The following MLLT1 variants were observed in gnomAD, a reference collection of about 807,000 sequenced individuals.
MLLT1 encodes protein ENL.
In MLLT1, 11 loss-of-function variants were observed where a neutral mutation model predicts 55.1. The ratio of observed to expected loss-of-function variants is 0.20; its 90% CI spans 0.13 to 0.33. MLLT1 has a LOEUF of 0.33. Ranked by LOEUF, MLLT1 falls within the 10% of genes least tolerant of loss-of-function variation. The pLI, the probability that MLLT1 is intolerant of heterozygous loss-of-function variation, is 1.00. For synonymous variants in MLLT1, 323 were observed against 320.1 expected (o/e 1.01, Z -0.10); for missense variants, 536 against 760.6 (o/e 0.70, Z 3.47).
chr19:6,279,366 C>T (rs2144972866), intron 1 of MLLT1, among the ~76,000 whole-genome samples: 1 of 152,174 alleles, frequency 6.6e-6, no homozygotes, highest in African/African-American at 2.4e-5. Context: ...GCCCAGATCC[C>T]AGGAAGTGCC....
At chr19:6,225,577 C>T (rs1248592793) in intron 5 of MLLT1, among the ~76,000 whole-genome samples, 7 of 152,222 alleles carry the variant, frequency 4.6e-5, no homozygotes, top group Non-Finnish European at 1.0e-4. Context: ...GGACCCCATG[C>T]TGCCCGATGC....
Position 6,240,007 on chromosome 19 carries a change from T to C in MLLT1, c.277-9294A>G, listed in dbSNP as rs1043177171. Among the ~76,000 whole-genome samples, 12 of 152,172 alleles carry C rather than the reference T, an allele frequency of 7.9e-5. No homozygotes were observed. In the East Asian group the frequency reaches 2.3e-3, roughly 29 times the overall value. On this transcript the variant is annotated intron_variant, in intron 3 of 11. Transcript: ENST00000252674. This position sits in a 1 kb window ranked among gnomAD's most constrained non-coding sequence, Gnocchi z 4.7. Reference sequence around the variant, plus strand: ...CTCTGACCAGGAGTCAGAGGACTCCTGGATGCTGAAGCGGCTCAGCACTGG... The same window carrying C: ...CTCTGACCAGGAGTCAGAGGACTCCCGGATGCTGAAGCGGCTCAGCACTGG...
chr19:6,226,325 C>T lies in MLLT1; in HGVS notation c.546+652G>A, dbSNP rs1347643899. Among the ~76,000 whole-genome samples the T allele has an allele frequency of 5.3e-5, 8 of 152,204 alleles. No homozygotes were observed. The highest frequency in any genetic ancestry group is 1.2e-4 in the Non-Finnish European group (8 of 68,040). ...GGGGCGTGCTCAGGGGTTAAAGGGA[C>T]ACTGTGATGCCATCAAAGGGCTTTC... On this transcript the variant is annotated intron_variant, in intron 5 of 11. Coordinates refer to ENST00000252674, the MANE Select transcript of MLLT1 (RefSeq NM_005934.4). The surrounding 1 kb of genome is among the most constrained non-coding windows in gnomAD (Gnocchi z 6.3).
chr19:6,247,118 T>C (rs2091175630), intron 3 of MLLT1, among the ~76,000 whole-genome samples: 1 of 152,246 alleles, frequency 6.6e-6, no homozygotes, highest in South Asian at 2.1e-4. Context: ...TGGATGGAGT[T>C]GGCAGCCTCA....
At chr19:6,267,215 C>A (rs2091355879) in intron 2 of MLLT1, among the ~76,000 whole-genome samples, 2 of 152,172 alleles carry the variant, frequency 1.3e-5, no homozygotes, top group South Asian at 4.1e-4. Context: ...GATTCTCCTG[C>A]CTCAGCTTCC....
At chr19:6,213,495 A>T in intron 10 of MLLT1, 87 bp from the exon 11 acceptor site, 5 of 1,227,512 alleles carry the variant, frequency 4.1e-6, no homozygotes, top group Non-Finnish European at 6.0e-6. Flanking sequence ...GACCCAGTCC[A>T]TCCCAGCACA....
intron 3 of MLLT1, among the ~76,000 whole-genome samples, chr19:6,242,813 C>T (rs1291351833): frequency 1.3e-5 from 2 of 152,150 alleles, no homozygotes; most frequent in African/African-American, 4.8e-5. Context: ...ACTGCATCTA[C>T]AGGGCACCTG....
At position 6,212,816 on chromosome 19, in the gene MLLT1, C is replaced by CG. The variant is rs915254066; in HGVS notation, c.*225dup. The CG allele has an allele frequency of 1.7e-5, 15 of 894,136 alleles. No individual in the cohort carries two copies. The highest frequency in any genetic ancestry group is 2.1e-5 in the South Asian group (1 of 48,634). 55.4% of individuals were successfully genotyped at this position (894,136 alleles called of 1,614,324 possible). On this transcript the variant is annotated 3_prime_UTR_variant, in exon 12 of 12. Transcript: ENST00000252674. ...CTCTCTGAGGGGAGCCCAGAGAGCC[C>CG]GGGGGGCGGCTCCCGTGTGGCCCAG...
intron 3 of MLLT1, among the ~76,000 whole-genome samples, chr19:6,246,350 C>T (rs1390140160): frequency 6.6e-6 from 1 of 152,184 alleles, no homozygotes; most frequent in Admixed American, 6.5e-5. Flanking sequence ...TTAGGGCAGC[C>T]TTATTCATAA....
rs2090778168 is a variant in MLLT1 at position 6,212,030 on chromosome 19, A to G, written c.*1012T>C. The G allele has an allele frequency of 1.9e-6, 2 of 1,065,910 alleles. No homozygotes were observed. Among genetic ancestry groups the G allele is most frequent in the Non-Finnish European group, 2.3e-6 (2 of 879,368 alleles). The allele number at this position is 1,065,910 out of a possible 1,614,324, so 66.0% of individuals were successfully genotyped here. On this transcript the variant is annotated 3_prime_UTR_variant, in exon 12 of 12. Coordinates refer to ENST00000252674, the MANE Select transcript of MLLT1 (RefSeq NM_005934.4). Reference sequence around the variant, plus strand: ...AGTTCAATGCGCCTCAGAAAACTCCATAAACTATCCCGTCTTATTTGGCAA... The same window carrying G: ...AGTTCAATGCGCCTCAGAAAACTCCGTAAACTATCCCGTCTTATTTGGCAA...
At chr19:6,236,885 T>C (rs1600190006) in intron 3 of MLLT1, among the ~76,000 whole-genome samples, 1 of 152,198 alleles carries the variant, frequency 6.6e-6, no homozygotes, top group East Asian at 1.9e-4. Context: ...AGCCGGACTG[T>C]GCTGTGACCC....
At chr19:6,261,446 C>A (rs1443008077) in intron 3 of MLLT1, among the ~76,000 whole-genome samples, 1 of 152,132 alleles carries the variant, frequency 6.6e-6, no homozygotes, top group African/African-American at 2.4e-5. Flanking sequence ...GACTCAGTAA[C>A]CAAGCGGGGC....
At chr19:6,249,222 A>G (rs2091194664) in intron 3 of MLLT1, among the ~76,000 whole-genome samples, 1 of 152,232 alleles carries the variant, frequency 6.6e-6, no homozygotes, top group Non-Finnish European at 1.5e-5. Context: ...TTTTAGATAC[A>G]CTGAGTTAAC....
chr19:6,242,315 A>G (rs1420220556), intron 3 of MLLT1, among the ~76,000 whole-genome samples: 1 of 152,054 alleles, frequency 6.6e-6, no homozygotes, highest in Non-Finnish European at 1.5e-5. Flanking sequence ...CCCCCAACAC[A>G]AGCCACCCAG....
At chr19:6,265,041 AAAAAAAAC>A (rs1273715738) in intron 2 of MLLT1, among the ~76,000 whole-genome samples, 2 of 51,650 alleles carry the variant, frequency 3.9e-5, no homozygotes, top group African/African-American at 1.0e-4. Flanking sequence ...TGAACAGCAA[AAAAAAAAC>A]AAAAAAACAA....
rs992043926 is a variant in MLLT1 at position 6,219,074 on chromosome 19, T to C, written c.1111-1033A>G. Among the ~76,000 whole-genome samples the C allele has an allele frequency of 5.3e-5, 8 of 152,046 alleles. No homozygotes were observed. Among genetic ancestry groups the C allele is most frequent in the African/African-American group, 1.4e-4 (6 of 41,508 alleles). On this transcript the variant is annotated intron_variant, in intron 6 of 11. Transcript: ENST00000252674. The surrounding 1 kb of genome is among the most constrained non-coding windows in gnomAD (Gnocchi z 4.5). ...TACTGAGCTGGTGGGACTCAGGACC[T>C]TGAGTGCCTGGGAGCCCCCGGCCCC... is the stretch of plus-strand genomic sequence containing the variant.
chr19:6,211,347 C>T lies in MLLT1; in HGVS notation c.*1695G>A, dbSNP rs1042307833. Reference sequence around the variant, plus strand: ...AAACAGAGCAGGTGGCGAGGAGTCCCGGAGGCTTCCTCCGAAGGTTCTCGG... The same window carrying T: ...AAACAGAGCAGGTGGCGAGGAGTCCTGGAGGCTTCCTCCGAAGGTTCTCGG... On this transcript the variant is annotated 3_prime_UTR_variant, in exon 12 of 12. Coordinates refer to ENST00000252674, the MANE Select transcript of MLLT1 (RefSeq NM_005934.4). The surrounding 1 kb of genome is among the most constrained non-coding windows in gnomAD (Gnocchi z 4.6). 11 of 233,052 alleles carry T rather than the reference C, an allele frequency of 4.7e-5. No homozygotes were observed. Among genetic ancestry groups the T allele is most frequent in the African/African-American group, 1.3e-4 (6 of 45,292 alleles). The allele number at this position is 233,052 out of a possible 1,614,324, so 14.4% of individuals were successfully genotyped here.
At position 6,222,142 on chromosome 19, in the gene MLLT1, G is replaced by A. The variant is rs371988320; in HGVS notation, c.1089C>T (p.Asp363=). The A allele has an allele frequency of 3.5e-5, 53 of 1,531,664 alleles. No individual in the cohort carries two copies. The highest frequency in any genetic ancestry group is 8.3e-5 in the African/African-American group (6 of 71,948). 94.9% of individuals were successfully genotyped at this position (1,531,664 alleles called of 1,614,324 possible). The change falls in exon 6 of 12, where the codon GAC becomes GAT. Residue 363 remains aspartate (D), a synonymous_variant. Transcript: ENST00000252674. This position sits in a 1 kb window ranked among gnomAD's most constrained non-coding sequence, Gnocchi z 4.1. ...TCACCTCGGACTTGAAGGAGGCCTC[G>A]TCCTCTGAGTTGGACTCCTCCACCT... ...ALEVEESNSE[D]EASFKSESAQ... is the part of the protein sequence containing the mutation.
chr19:6,248,178 G>A (rs2091184747), intron 3 of MLLT1, among the ~76,000 whole-genome samples: 1 of 152,150 alleles, frequency 6.6e-6, no homozygotes. Context: ...ATGAGCCACT[G>A]TGCCCAGCCT....
Sources: gnomAD v4.1 joint callset for allele counts (sites outside exome capture counted in the v4.1 genomes callset) on GRCh38, gnomAD v4.1.1 for gene constraint, Gnocchi (gnomAD v3.1) non-coding constraint, MANE v1.5 for transcripts, NCBI Gene and HGNC (gene_info 2026-07-23, HGNC 2026-07-21) for gene names.